Variants in CEACAM16 observed in about 807,000 individuals in gnomAD.
CEACAM16 encodes the protein CEA cell adhesion molecule 16, tectorial membrane component.
A neutral mutation model predicts 39.4 loss-of-function variants in CEACAM16; 30 were observed. The ratio of observed to expected loss-of-function variants is 0.76; its 90% CI spans 0.57 to 1.03. The LOEUF (loss-of-function observed/expected upper bound fraction) is 1.03. Ranked by LOEUF, CEACAM16 falls within the 50% of genes least tolerant of loss-of-function variation. The pLI is 0.00. For synonymous variants in CEACAM16, 262 were observed against 264.9 expected, an observed-to-expected ratio of 0.99 and a Z score of 0.11; for missense variants, 521 against 585.3, an observed-to-expected ratio of 0.89 and a Z score of 1.13.
rs192682226 is a variant in CEACAM16 at position 44,708,894 on chromosome 19, C to T, written c.1267+707C>T. On this transcript the variant is annotated intron_variant, in intron 6 of 6. Transcript: ENST00000587331. ...CTCTTAGAAGTCAGGAACAATGTCT[C>T]CCCCATTGGATTGGGAATTCCCAAG... Among the ~76,000 whole-genome samples the T allele has an allele frequency of 9.2e-5, 14 of 152,262 alleles. No individual in the cohort carries two copies. In the East Asian group the frequency reaches 2.5e-3, roughly 27 times the overall value.
Position 44,701,642 on chromosome 19 carries a change from C to G in CEACAM16, c.37+149C>G, listed in dbSNP as rs1189865594. On this transcript the variant is annotated intron_variant, in intron 2 of 6. Coordinates refer to ENST00000587331, the MANE Select transcript of CEACAM16 (RefSeq NM_001039213.4). The surrounding 1 kb of genome is among the most constrained non-coding windows in gnomAD (Gnocchi z 4.0). ...CCCTGCTTCACACCGGCAGTTTACC[C>G]CTCCAAGAGGCATCTGCATTGGGCA... 3 of 793,206 alleles carry G rather than the reference C, an allele frequency of 3.8e-6. No homozygotes were observed. The African/African-American group carries it at 5.1e-5, about 13-fold the overall frequency. 49.1% of individuals were successfully genotyped at this position (793,206 alleles called of 1,614,324 possible). A position where few individuals can be genotyped will look rare whatever the true frequency, so the allele number is the denominator to read the frequency against.
At chr19:44,700,522 G>A (rs569739667) in intron 1 of CEACAM16, among the ~76,000 whole-genome samples, 19 of 151,950 alleles carry the variant, frequency 1.3e-4, no homozygotes, top group South Asian at 4.2e-4. Context: ...CAAATGATCC[G>A]CCTGCCTTGG....
intron 6 of CEACAM16, among the ~76,000 whole-genome samples, chr19:44,708,719 T>A (rs552328046): frequency 5.9e-5 from 9 of 152,136 alleles, no homozygotes; most frequent in Admixed American, 1.3e-4. Flanking sequence ...GGGCAAAGTT[T>A]CTATCATCAG....
At position 44,699,180 on chromosome 19, in the gene CEACAM16, G is replaced by A; in HGVS notation, c.-177G>A. ...ATCCTCAGCGCCTAGAACAGCACCT[G>A]GCAAACAATAGGTGCTCATTCAGTA... On this transcript the variant is annotated 5_prime_UTR_variant, in exon 1 of 7. Transcript: ENST00000587331. 1 of 518,442 alleles carries A rather than the reference G, an allele frequency of 1.9e-6. No individual in the cohort carries two copies. The highest frequency in any genetic ancestry group is 1.4e-5 in the South Asian group (1 of 69,192). The allele number at this position is 518,442 out of a possible 1,614,324, so 32.1% of individuals were successfully genotyped here.
In CEACAM16 at chr19:44,705,852, C is replaced by A; in HGVS notation, c.924C>A (p.Val308=). The change falls in exon 5 of 7, where the codon GTC becomes GTA. Residue 308 remains valine (V), a synonymous_variant. Coordinates refer to ENST00000587331, the MANE Select transcript of CEACAM16 (RefSeq NM_001039213.4). The part of the protein sequence containing the change: ...TKTLLSGSAS[V]VVKLSAAAVA... ...CCCTGCTATCTGGATCTGCCTCAGTCGTGGTCAAGCTCTCTGGTGAGTCAC... is the reference window on the plus strand; with the variant it reads ...CCCTGCTATCTGGATCTGCCTCAGTAGTGGTCAAGCTCTCTGGTGAGTCAC... 6.2e-7 allele frequency: 1 copy of A among 1,612,226 alleles called. No individual in the cohort carries two copies. The highest frequency in any genetic ancestry group is 1.1e-5 in the South Asian group (1 of 91,000).
At chr19:44,708,233 G>T in intron 6 of CEACAM16, 46 bp downstream of exon 6, 2 of 1,455,046 alleles carry the variant, frequency 1.4e-6, no homozygotes, top group Non-Finnish European at 1.8e-6. Flanking sequence ...TTAGACAAGG[G>T]CTCCCAAAAG....
chr19:44,710,487 G>A lies in CEACAM16; in HGVS notation c.1268-9G>A. 6.2e-7 allele frequency: 1 copy of A among 1,612,274 alleles called. No individual in the cohort carries two copies. Reference sequence around the variant, plus strand: ...CCTCCTTCGCCCCCTCGCCCCATATGCCCCACAGCCCTGGGGTAACAGCGT... The same window carrying A: ...CCTCCTTCGCCCCCTCGCCCCATATACCCCACAGCCCTGGGGTAACAGCGT... On this transcript the variant is annotated splice_polypyrimidine_tract_variant and intron_variant, in intron 6 of 6. Transcript: ENST00000587331.
At chr19:44,708,267 C>T in intron 6 of CEACAM16, 80 bp downstream of exon 6, 2 of 1,356,852 alleles carry the variant, frequency 1.5e-6, no homozygotes, top group Non-Finnish European at 2.0e-6. Context: ...CTCCATCAGG[C>T]TGGGGGGACA....
intron 2 of CEACAM16, 54 bp from the exon 3 acceptor site, chr19:44,703,295 T>A: frequency 6.7e-7 from 1 of 1,499,200 alleles, no homozygotes; most frequent in South Asian, 1.2e-5. Flanking sequence ...TTCTGTCAAA[T>A]GGGGCGATTG....
chr19:44,702,498 T>C (rs1356751203), intron 2 of CEACAM16, among the ~76,000 whole-genome samples: 1 of 152,236 alleles, frequency 6.6e-6, no homozygotes, highest in East Asian at 1.9e-4. Context: ...TGGCCAGCCA[T>C]GTCAGTCCTT....
In CEACAM16 at chr19:44,704,025, GGCCCA is replaced by G; in HGVS notation, c.396_400del (p.Gln132HisfsTer49). On this transcript the variant is annotated frameshift_variant, in exon 4 of 7. Coordinates refer to ENST00000587331, the MANE Select transcript of CEACAM16 (RefSeq NM_001039213.4). LOFTEE classifies it high-confidence loss of function. ...TGTCTCTTGCCCCCACAGAGATCCT[GGCCCA>G]GCCCACAGTCTTGGCCAACAGCACA... 8.8e-6 allele frequency: 14 copies of G among 1,595,510 alleles called. No homozygotes were observed. Among genetic ancestry groups the G allele is most frequent in the Non-Finnish European group, 1.2e-5 (14 of 1,167,422 alleles).
intron 1 of CEACAM16, 53 bp downstream of exon 1, chr19:44,699,313 G>T (rs776155101): frequency 1.3e-5 from 7 of 532,942 alleles, no homozygotes; most frequent in Admixed American, 1.2e-4. Flanking sequence ...ACAGCCCTGT[G>T]ATGTGAGTAC....
chr19:44,701,471 G>C lies in CEACAM16; in HGVS notation c.15G>C (p.Gly5=), dbSNP rs781172010. ...TGGGGTGAAAGATGGCGCTGACTGG[G>C]TACAGCTGGCTGCTCCTCAGTGGTG... is the stretch of plus-strand genomic sequence containing the variant. MALT[G]YSWLLLSATF... The change falls in exon 2 of 7, where the codon GGG becomes GGC. Residue 5 remains glycine, a synonymous_variant. Coordinates refer to ENST00000587331, the MANE Select transcript of CEACAM16 (RefSeq NM_001039213.4). The surrounding 1 kb of genome is among the most constrained non-coding windows in gnomAD (Gnocchi z 4.0). The C allele has an allele frequency of 1.3e-6, 2 of 1,566,206 alleles. No individual in the cohort carries two copies. The highest frequency in any genetic ancestry group is 8.7e-7 in the Non-Finnish European group (1 of 1,154,860).
chr19:44,706,705 G>A (rs1974455529), intron 5 of CEACAM16, among the ~76,000 whole-genome samples: 1 of 152,188 alleles, frequency 6.6e-6, no homozygotes, highest in African/African-American at 2.4e-5. Context: ...GGAGACAGGG[G>A]GATGGACCAG....
chr19:44,702,772 C>T (rs1406941311), intron 2 of CEACAM16, among the ~76,000 whole-genome samples: 4 of 152,242 alleles, frequency 2.6e-5, no homozygotes, highest in Non-Finnish European at 1.5e-5. Context: ...GGGCTGGATA[C>T]GCAGCCGGAT....
chr19:44,705,951 C>T, intron 5 of CEACAM16, 83 bp downstream of exon 5: 1 of 1,457,242 alleles, frequency 6.9e-7, no homozygotes, highest in Non-Finnish European at 9.4e-7. Context: ...ATTTGCCCAA[C>T]AGAGAATTGG....
Position 44,707,907 on chromosome 19 carries a change from G to T in CEACAM16, c.987G>T (p.Thr329=). 1.9e-6 allele frequency: 3 copies of T among 1,566,660 alleles called. No homozygotes were observed. The East Asian group carries it at 6.9e-5, about 36-fold the overall frequency. Residue 329 remains threonine (T), a synonymous_variant, in exon 6 of 7, where the codon ACG becomes ACT. Transcript: ENST00000587331. ...TCGTGCCCGTGCCCACCAAGCCAAC[G>T]GAGGGCCAGGACGTAACACTGACCG... The part of the protein sequence containing the change: ...TMIVPVPTKP[T]EGQDVTLTVQ...
intron 1 of CEACAM16, among the ~76,000 whole-genome samples, chr19:44,699,709 T>C (rs1351045436): frequency 1.3e-5 from 2 of 152,158 alleles, no homozygotes; most frequent in African/African-American, 2.4e-5. Context: ...AGCCTATACT[T>C]TTAATAACAG....
chr19:44,708,249 T>C, intron 6 of CEACAM16, 62 bp downstream of exon 6: 2 of 1,407,334 alleles, frequency 1.4e-6, no homozygotes, highest in Non-Finnish European at 1.9e-6. Flanking sequence ...AAAAGGAGCC[T>C]TTGCTTCCTC....
Sources: allele counts gnomAD v4.1 joint callset (sites outside exome capture counted in the v4.1 genomes callset), GRCh38; gene constraint gnomAD v4.1.1; non-coding constraint Gnocchi (gnomAD v3.1); transcripts MANE v1.5; gene names NCBI Gene and HGNC (gene_info 2026-07-23, HGNC 2026-07-21).